ANKFN1: variants seen among roughly 807,000 people sequenced by gnomAD.
The protein encoded by ANKFN1 is ankyrin repeat and fibronectin type III domain containing 1, also known as ankyrin repeat and fibronectin type-III domain-containing protein 1.
In ANKFN1, 74 loss-of-function variants were observed where a neutral mutation model predicts 108.7. The observed-to-expected ratio is 0.68, with a 90% CI of 0.56 to 0.83. ANKFN1 has a LOEUF of 0.83. ANKFN1 is among the 40% of genes least tolerant of loss of function. ANKFN1 has a pLI of 0.00. For synonymous variants in ANKFN1, 547 were observed against 516.2 expected, an observed-to-expected ratio of 1.06 and a Z score of -0.81; for missense variants, 1,505 against 1,382.3, an observed-to-expected ratio of 1.09 and a Z score of -1.41.
chr17:56,413,427 C>A (rs2145005718), intron 8 of ANKFN1, among the ~76,000 whole-genome samples: 1 of 152,234 alleles, frequency 6.6e-6, no homozygotes, highest in East Asian at 1.9e-4. Context: ...CTTTCTCTTG[C>A]CTGATTGCCC....
chr17:56,422,219 C>T (rs1483018038), intron 8 of ANKFN1, among the ~76,000 whole-genome samples: 1 of 152,224 alleles, frequency 6.6e-6, no homozygotes, highest in East Asian at 1.9e-4. Context: ...CTTGCTAACG[C>T]ATGGTACTTA....
Position 56,246,480 on chromosome 17 carries a change from G to A in ANKFN1, c.53+18523G>A, listed in dbSNP as rs532667970. The stretch of plus-strand genomic sequence containing the variant: ...TTAATGGCTACAGCTCAGGCTATGC[G>A]TGTTGGACCTATTTGGTTTCTAGCC... On this transcript the variant is annotated intron_variant, in intron 3 of 20. Coordinates refer to ENST00000682825, the MANE Select transcript of ANKFN1 (RefSeq NM_001370326.1). Among the ~76,000 whole-genome samples, 5 of 152,244 alleles carry A rather than the reference G, an allele frequency of 3.3e-5. No individual in the cohort carries two copies. The East Asian group carries it at 5.8e-4, about 18-fold the overall frequency.
chr17:56,481,656 A>T (rs1198959267), intron 17 of ANKFN1, among the ~76,000 whole-genome samples: 1 of 152,198 alleles, frequency 6.6e-6, no homozygotes, highest in Non-Finnish European at 1.5e-5. Flanking sequence ...AGTTCTAAGA[A>T]TGTCCTTCCA....
At chr17:56,118,961 C>T (rs934695601) in intron 4 of ANKFN1, among the ~76,000 whole-genome samples, 3 of 152,016 alleles carry the variant, frequency 2.0e-5, no homozygotes, top group Admixed American at 1.3e-4. Context: ...GTTTGGGCAA[C>T]AGGAAGACAG....
At chr17:56,061,313 C>G (rs1041706304) in intron 4 of ANKFN1, among the ~76,000 whole-genome samples, 1 of 118,462 alleles carries the variant, frequency 8.4e-6, no homozygotes, top group African/African-American at 3.4e-5. Flanking sequence ...CTCTTGTCAC[C>G]CAGGCTGGAG....
intron 20 of ANKFN1, among the ~76,000 whole-genome samples, chr17:56,509,288 T>G (rs1211719809): frequency 6.6e-6 from 1 of 152,192 alleles, no homozygotes; most frequent in Admixed American, 6.5e-5. Flanking sequence ...AGGAGACAAT[T>G]CAAGGTTGAT....
intron 2 of ANKFN1, among the ~76,000 whole-genome samples, chr17:56,223,319 T>A (rs771827420): frequency 6.6e-6 from 1 of 152,246 alleles, no homozygotes; most frequent in Non-Finnish European, 1.5e-5. Flanking sequence ...CAGTTCTGAG[T>A]TCTTTTACTT....
At chr17:56,172,926 C>T (rs554591467) in intron 1 of ANKFN1, among the ~76,000 whole-genome samples, 5 of 152,212 alleles carry the variant, frequency 3.3e-5, no homozygotes, top group Non-Finnish European at 7.3e-5. Flanking sequence ...GCACTGCACA[C>T]TTAGCTCTTA....
At chr17:56,182,427 A>C (rs1374487427) in intron 1 of ANKFN1, among the ~76,000 whole-genome samples, 1 of 152,224 alleles carries the variant, frequency 6.6e-6, no homozygotes, top group African/African-American at 2.4e-5. Context: ...AGAAGGTTTT[A>C]GTGGTTTGGA....
intron 3 of ANKFN1, among the ~76,000 whole-genome samples, chr17:56,268,142 C>T (rs2043702189): frequency 6.6e-6 from 1 of 152,168 alleles, no homozygotes; most frequent in Non-Finnish European, 1.5e-5. Context: ...TTCTCATCTA[C>T]ACATGGCACA....
chr17:56,055,566 C>CATATATATATATATATATATACATAT (rs1555588768), intron 4 of ANKFN1, among the ~76,000 whole-genome samples: 4 of 47,460 alleles, frequency 8.4e-5, no homozygotes, highest in African/African-American at 5.3e-4. Context: ...GGTATATATA[C>CATATATATATATATATATATACATAT]ATATATATAT....
At chr17:56,427,376 C>T (rs1323480472) in intron 8 of ANKFN1, among the ~76,000 whole-genome samples, 2 of 151,988 alleles carry the variant, frequency 1.3e-5, no homozygotes, top group East Asian at 3.9e-4. Context: ...CAGTTATGGG[C>T]CAGCAATGTA....
intron 1 of ANKFN1, among the ~76,000 whole-genome samples, chr17:56,198,284 C>A (rs1913699885): frequency 6.6e-6 from 1 of 152,186 alleles, no homozygotes. Flanking sequence ...TAAAACTACC[C>A]TTTTACAAAC....
At chr17:56,463,512 GA>G (rs1175430474) in intron 14 of ANKFN1, among the ~76,000 whole-genome samples, 1 of 152,042 alleles carries the variant, frequency 6.6e-6, no homozygotes, top group East Asian at 1.9e-4. Context: ...CAGCATGTGG[GA>G]AAAAAAATTA....
At chr17:56,165,055 A>G (rs1385683811) in intron 1 of ANKFN1, among the ~76,000 whole-genome samples, 2 of 152,198 alleles carry the variant, frequency 1.3e-5, no homozygotes, top group East Asian at 3.8e-4. Flanking sequence ...CATCCTGTAA[A>G]ATAGGTTCAC....
chr17:56,389,541 C>T (rs2047370384), intron 8 of ANKFN1, among the ~76,000 whole-genome samples: 1 of 151,536 alleles, frequency 6.6e-6, no homozygotes, highest in South Asian at 2.1e-4. Flanking sequence ...TAAGTCACTT[C>T]TCCTTTTTAT....
chr17:56,402,769 T>A (rs2047800816), intron 8 of ANKFN1, among the ~76,000 whole-genome samples: 3 of 152,138 alleles, frequency 2.0e-5, no homozygotes, highest in Admixed American at 2.0e-4. Context: ...TGTTCTTGTT[T>A]CTCTAGTTCC....
intron 3 of ANKFN1, among the ~76,000 whole-genome samples, chr17:56,312,886 G>A (rs1490067424): frequency 1.3e-5 from 2 of 152,184 alleles, no homozygotes; most frequent in Non-Finnish European, 2.9e-5. Context: ...GGCGGGCACG[G>A]TGGCTCATGC....
intron 3 of ANKFN1, among the ~76,000 whole-genome samples, chr17:56,323,777 A>T (rs1048631969): frequency 7.9e-5 from 12 of 152,218 alleles, no homozygotes; most frequent in African/African-American, 2.9e-4. Context: ...AATGCCTTCT[A>T]TGTGCCAGGA....
Sources: allele counts gnomAD v4.1 joint callset (sites outside exome capture counted in the v4.1 genomes callset), GRCh38; gene constraint gnomAD v4.1.1; transcripts MANE v1.5; gene names NCBI Gene and HGNC (gene_info 2026-07-23, HGNC 2026-07-21).